INPP4B: variants seen among roughly 807,000 people sequenced by gnomAD.
The protein encoded by INPP4B is inositol polyphosphate-4-phosphatase type II B.
In INPP4B, 55 loss-of-function variants were observed where a neutral mutation model predicts 122.5. The observed-to-expected ratio is 0.45, with a 90% CI of 0.36 to 0.56. The LOEUF (loss-of-function observed/expected upper bound fraction) is 0.56, where lower values mean the gene tolerates loss of function less well. Among genes scored for constraint, INPP4B ranks in the 20% least tolerant of loss-of-function variants. The pLI is 0.00. For synonymous variants in INPP4B, 403 were observed against 388.7 expected (o/e 1.04, Z -0.43); for missense variants, 1,000 against 1,097.7 (o/e 0.91, Z 1.26).
At position 142,501,751 on chromosome 4, in the gene INPP4B, A is replaced by AAC. The variant is rs200364921; in HGVS notation, c.-190-39026_-190-39025insGT. ...AAGTTCCAGACTTCATGATAAAAATAATATATATATTCCTGGGCCTGTGCA... is the reference window on the plus strand; with the variant it reads ...AAGTTCCAGACTTCATGATAAAAATAACATATATATATTCCTGGGCCTGTGCA... On this transcript the variant is annotated intron_variant, in intron 2 of 25. Coordinates refer to ENST00000262992, the MANE Select transcript of INPP4B (RefSeq NM_001101669.3). Among the ~76,000 whole-genome samples, 391 of 152,176 alleles carry AAC rather than the reference A, an allele frequency of 2.6e-3. 9 individuals carry two copies. In the East Asian group the frequency reaches 0.051, roughly 20 times the overall value.
rs539829851 is a variant in INPP4B, at chr4:142,434,736, T to A, written c.-126-3351A>T. On this transcript the variant is annotated intron_variant, in intron 3 of 25. Coordinates refer to ENST00000262992, the MANE Select transcript of INPP4B (RefSeq NM_001101669.3). ...AACTCAGTAGGTTTTCTCTGCCATC[T>A]AGAGACAAGATGAGGCCTAGTTAGT... 6.2e-4 allele frequency among the ~76,000 whole-genome samples: 95 copies of A among 152,280 alleles called. 2 individuals carry two copies. The South Asian group carries it at 0.018, about 29-fold the overall frequency.
intron 5 of INPP4B, among the ~76,000 whole-genome samples, chr4:142,421,717 C>G (rs987893267): frequency 6.6e-6 from 1 of 152,026 alleles, no homozygotes; most frequent in African/African-American, 2.4e-5. Flanking sequence ...CTCTCATGTT[C>G]CTCCTAAACC....
intron 14 of INPP4B, among the ~76,000 whole-genome samples, chr4:142,204,210 A>G (rs1258735110): frequency 1.3e-5 from 2 of 152,138 alleles, no homozygotes; most frequent in Non-Finnish European, 2.9e-5. Flanking sequence ...TCTACATAAC[A>G]GCTACTTAAT....
chr4:142,258,596 T>G (rs558337031), intron 11 of INPP4B, among the ~76,000 whole-genome samples: 302 of 152,164 alleles, frequency 2.0e-3, no homozygotes, highest in African/African-American at 6.8e-3. Flanking sequence ...AAAAAACACA[T>G]GAAAAAATGC....
chr4:142,057,052 C>A (rs1456544840), intron 25 of INPP4B, among the ~76,000 whole-genome samples: 1 of 152,016 alleles, frequency 6.6e-6, no homozygotes, highest in African/African-American at 2.4e-5. Context: ...GACAAGTTTT[C>A]TTTTAAATTT....
intron 1 of INPP4B, among the ~76,000 whole-genome samples, chr4:142,746,727 A>G (rs1768812555): frequency 6.6e-6 from 1 of 152,140 alleles, no homozygotes; most frequent in African/African-American, 2.4e-5. Flanking sequence ...ACACATCTAC[A>G]ACCATCTGCT....
At chr4:142,186,353 G>A (rs1833210936) in intron 15 of INPP4B, among the ~76,000 whole-genome samples, 1 of 152,158 alleles carries the variant, frequency 6.6e-6, no homozygotes. Flanking sequence ...GAAAGGTGTG[G>A]TAATCTGACT....
rs1371166795 is a variant in INPP4B, at chr4:142,617,989, T to C, written c.-191+107850A>G. 3.9e-5 allele frequency among the ~76,000 whole-genome samples: 6 copies of C among 152,152 alleles called. No individual in the cohort carries two copies. In the East Asian group the frequency reaches 7.7e-4, roughly 20 times the overall value. On this transcript the variant is annotated intron_variant, in intron 2 of 25. Transcript: ENST00000262992. ...AAAATATCATACTTAAGAAGCATTA[T>C]GGCTAAATGTCATTACAATGATGGA...
At chr4:142,795,275 A>G (rs1434166631) in intron 1 of INPP4B, 1 of 152,040 alleles carries the variant, frequency 6.6e-6, no homozygotes, top group Non-Finnish European at 1.5e-5. Context: ...AAGAAAAAGC[A>G]AGGAAACTGT....
intron 3 of INPP4B, among the ~76,000 whole-genome samples, chr4:142,435,952 C>A (rs1425878991): frequency 1.3e-5 from 2 of 151,824 alleles, no homozygotes; most frequent in Non-Finnish European, 2.9e-5. Flanking sequence ...CTTATGAGCT[C>A]CTTGGAGGAG....
chr4:142,040,731 T>C (rs1746917497), intron 25 of INPP4B, among the ~76,000 whole-genome samples: 1 of 152,188 alleles, frequency 6.6e-6, no homozygotes, highest in Admixed American at 6.5e-5. Context: ...TTAGTTTTAA[T>C]TGCTTGAAAA....
intron 3 of INPP4B, among the ~76,000 whole-genome samples, chr4:142,448,842 C>T (rs1045132696): frequency 3.3e-5 from 5 of 152,108 alleles, no homozygotes; most frequent in Non-Finnish European, 5.9e-5. Context: ...GAGAAAGGTT[C>T]TCTTTGTGGA....
intron 7 of INPP4B, among the ~76,000 whole-genome samples, chr4:142,354,860 A>C (rs1783057357): frequency 1.3e-5 from 2 of 152,176 alleles, no homozygotes; most frequent in African/African-American, 4.8e-5. Context: ...TGTATAACAA[A>C]GCGAGGACTT....
intron 9 of INPP4B, among the ~76,000 whole-genome samples, chr4:142,300,984 A>C (rs893975586): frequency 1.3e-5 from 2 of 152,176 alleles, no homozygotes; most frequent in Non-Finnish European, 2.9e-5. Flanking sequence ...GTAGGTTATA[A>C]AAGAAATAAT....
chr4:142,579,867 ATAGATAGGTAGG>A (rs1187541966), intron 2 of INPP4B, among the ~76,000 whole-genome samples: 85 of 116,042 alleles, frequency 7.3e-4, no homozygotes, highest in African/African-American at 2.7e-3. Flanking sequence ...GGATAGATAG[ATAGATAGGTAGG>A]TAGATAGATA....
intron 1 of INPP4B, among the ~76,000 whole-genome samples, chr4:142,774,519 C>T (rs1773556749): frequency 6.6e-6 from 1 of 152,016 alleles, no homozygotes; most frequent in South Asian, 2.1e-4. Context: ...AGCATGATCC[C>T]TTTACATACA....
chr4:142,730,912 A>C (rs867863181), intron 1 of INPP4B, among the ~76,000 whole-genome samples: 3 of 152,200 alleles, frequency 2.0e-5, no homozygotes, highest in African/African-American at 7.2e-5. Flanking sequence ...ATGTCCTATG[A>C]CAGAAATTGC....
At chr4:142,471,888 C>T (rs764975586) in intron 2 of INPP4B, among the ~76,000 whole-genome samples, 13 of 151,850 alleles carry the variant, frequency 8.6e-5, no homozygotes, top group Non-Finnish European at 1.3e-4. Context: ...CACACACACA[C>T]GTATATGTTA....
At chr4:142,078,076 T>C (rs1420526973) in intron 25 of INPP4B, among the ~76,000 whole-genome samples, 2 of 151,554 alleles carry the variant, frequency 1.3e-5, no homozygotes, top group African/African-American at 2.4e-5. Context: ...CCCAGACACC[T>C]TGTGTTTAAT....
Sources: gnomAD v4.1 joint callset for allele counts (sites outside exome capture counted in the v4.1 genomes callset) on GRCh38, gnomAD v4.1.1 for gene constraint, MANE v1.5 for transcripts, NCBI Gene and HGNC (gene_info 2026-07-23, HGNC 2026-07-21) for gene names.